The following RANBP17 variants were observed in gnomAD, a reference collection of about 807,000 sequenced individuals.
The protein encoded by RANBP17 is RAN binding protein 17, also known as ran-binding protein 17.
In RANBP17, 158 loss-of-function variants were observed where a neutral mutation model predicts 141.2. The ratio of observed to expected loss-of-function variants is 1.12; its 90% CI spans 0.98 to 1.28. The LOEUF (loss-of-function observed/expected upper bound fraction) is 1.28. Among genes scored for constraint, RANBP17 ranks in the 50% most tolerant of loss-of-function variants. RANBP17 has a pLI of 0.00. For synonymous variants in RANBP17, 430 were observed against 450.0 expected, an observed-to-expected ratio of 0.96 and a Z score of 0.56; for missense variants, 1,438 against 1,290.7, an observed-to-expected ratio of 1.11 and a Z score of -1.75.
intron 12 of RANBP17, among the ~76,000 whole-genome samples, chr5:170,945,859 A>G (rs1434013985): frequency 6.6e-6 from 1 of 152,156 alleles, no homozygotes; most frequent in Non-Finnish European, 1.5e-5. Context: ...TGATCCCCAA[A>G]GCATATGCAG....
At chr5:171,125,380 G>A (rs1237817958) in intron 14 of RANBP17, among the ~76,000 whole-genome samples, 1 of 146,436 alleles carries the variant, frequency 6.8e-6, no homozygotes, top group East Asian at 2.0e-4. Flanking sequence ...AGAAGGAACT[G>A]TATATCAAAC....
intron 5 of RANBP17, among the ~76,000 whole-genome samples, chr5:170,899,684 A>G (rs1770456324): frequency 6.6e-6 from 1 of 152,146 alleles, no homozygotes; most frequent in African/African-American, 2.4e-5. Flanking sequence ...TTATTTTGAG[A>G]TATGTTCCAT....
chr5:171,190,622 C>T (rs530422309), intron 18 of RANBP17, among the ~76,000 whole-genome samples: 3 of 152,020 alleles, frequency 2.0e-5, no homozygotes, highest in South Asian at 4.2e-4. Flanking sequence ...TTAACTTGGT[C>T]GATCTAATAA....
chr5:170,934,574 G>C (rs1370418324), intron 12 of RANBP17, among the ~76,000 whole-genome samples: 1 of 152,170 alleles, frequency 6.6e-6, no homozygotes, highest in African/African-American at 2.4e-5. Flanking sequence ...AGCCTAGTTT[G>C]GCTGGATATG....
chr5:171,110,909 G>A (rs1175371442), intron 14 of RANBP17, among the ~76,000 whole-genome samples: 2 of 145,172 alleles, frequency 1.4e-5, no homozygotes, highest in Non-Finnish European at 3.0e-5. Flanking sequence ...TGTGCACATT[G>A]TGCAGGTTAG....
intron 16 of RANBP17, among the ~76,000 whole-genome samples, chr5:171,174,817 A>G (rs1406360752): frequency 2.0e-5 from 3 of 149,100 alleles, no homozygotes; most frequent in African/African-American, 7.5e-5. Flanking sequence ...TTTTTTAAAT[A>G]TACTTTAAGT....
intron 24 of RANBP17, among the ~76,000 whole-genome samples, chr5:171,261,733 T>C (rs552448811): frequency 1.3e-5 from 2 of 152,342 alleles, no homozygotes; most frequent in South Asian, 2.1e-4. Context: ...TTTTAAAATA[T>C]TTTAAACACC....
intron 11 of RANBP17, among the ~76,000 whole-genome samples, chr5:170,921,541 T>C (rs1464399716): frequency 6.6e-6 from 1 of 152,192 alleles, no homozygotes; most frequent in African/African-American, 2.4e-5. Flanking sequence ...AGCTTTGTTC[T>C]TTTTGCTTAG....
At chr5:171,156,503 A>G (rs1489851854) in intron 14 of RANBP17, among the ~76,000 whole-genome samples, 1 of 152,174 alleles carries the variant, frequency 6.6e-6, no homozygotes, top group Non-Finnish European at 1.5e-5. Flanking sequence ...TCATGTGAAC[A>G]TGTGTGGATC....
At chr5:171,268,887 T>C (rs922125424) in intron 25 of RANBP17, among the ~76,000 whole-genome samples, 2 of 152,266 alleles carry the variant, frequency 1.3e-5, no homozygotes, top group African/African-American at 4.8e-5. Flanking sequence ...AAGGAAGTAA[T>C]GTGGTTGGGC....
At chr5:170,873,805 T>C (rs1581021629) in intron 1 of RANBP17, among the ~76,000 whole-genome samples, 1 of 152,168 alleles carries the variant, frequency 6.6e-6, no homozygotes, top group East Asian at 1.9e-4. Flanking sequence ...CCTGGATTTA[T>C]TGACTTTTTT....
intron 14 of RANBP17, among the ~76,000 whole-genome samples, chr5:171,042,822 T>G (rs1782336238): frequency 6.6e-6 from 1 of 152,160 alleles, no homozygotes; most frequent in Non-Finnish European, 1.5e-5. Context: ...GGTTTACGGA[T>G]AGGCTCCTAC....
chr5:171,124,328 A>G (rs1161705582), intron 14 of RANBP17, among the ~76,000 whole-genome samples: 4 of 152,132 alleles, frequency 2.6e-5, no homozygotes, highest in Non-Finnish European at 5.9e-5. Flanking sequence ...AAAGAATAAA[A>G]ATTAATGAAG....
chr5:171,062,847 C>T (rs1472488871), intron 14 of RANBP17, among the ~76,000 whole-genome samples: 1 of 152,126 alleles, frequency 6.6e-6, no homozygotes, highest in Non-Finnish European at 1.5e-5. Flanking sequence ...TTCTTGGAGG[C>T]TTTGTTCGTT....
chr5:170,921,124 G>GTTGGCCTTGC (rs1772422531), intron 11 of RANBP17, among the ~76,000 whole-genome samples: 1 of 152,100 alleles, frequency 6.6e-6, no homozygotes, highest in African/African-American at 2.4e-5. Context: ...TTTGGCTTTG[G>GTTGGCCTTGC]TTGGCCTTGC....
At chr5:171,187,781 C>G (rs745798317) in intron 18 of RANBP17, among the ~76,000 whole-genome samples, 3 of 152,146 alleles carry the variant, frequency 2.0e-5, no homozygotes, top group Non-Finnish European at 4.4e-5. Context: ...CCATGTTACT[C>G]TAGACTCCCA....
At chr5:171,095,474 C>T (rs143595027) in intron 14 of RANBP17, among the ~76,000 whole-genome samples, 189 of 152,028 alleles carry the variant, frequency 1.2e-3, no homozygotes, top group East Asian at 2.3e-3. Context: ...TTACTGGCTA[C>T]GGTAAAGAAA....
At chr5:170,972,560 G>C (rs962459659) in intron 14 of RANBP17, among the ~76,000 whole-genome samples, 12 of 152,030 alleles carry the variant, frequency 7.9e-5, no homozygotes, top group African/African-American at 2.9e-4. Flanking sequence ...TTTAATTATT[G>C]AGTGGTATTA....
At chr5:171,108,729 T>C (rs1755020478) in intron 14 of RANBP17, among the ~76,000 whole-genome samples, 1 of 152,180 alleles carries the variant, frequency 6.6e-6, no homozygotes, top group East Asian at 1.9e-4. Context: ...TTTTTGTGTC[T>C]TCTTTTTCTA....
Sources: gnomAD v4.1 joint callset for allele counts (sites outside exome capture counted in the v4.1 genomes callset) on GRCh38, gnomAD v4.1.1 for gene constraint, MANE v1.5 for transcripts, NCBI Gene and HGNC (gene_info 2026-07-23, HGNC 2026-07-21) for gene names.